Variants in GALNT13 observed in about 807,000 individuals in gnomAD.
GALNT13 encodes UDP-GalNAc:polypeptide N-acetylgalactosaminyltransferase 13.
A neutral mutation model predicts 64.2 loss-of-function variants in GALNT13; 28 were observed. That is an observed-to-expected ratio of 0.44 (90% CI 0.32 to 0.60). The LOEUF (loss-of-function observed/expected upper bound fraction) is 0.60, where lower values mean the gene tolerates loss of function less well. Among genes scored for constraint, GALNT13 ranks in the 20% least tolerant of loss-of-function variants. The pLI, the probability that GALNT13 is intolerant of heterozygous loss-of-function variation, is 0.05. For synonymous variants in GALNT13, 214 were observed against 224.6 expected, an observed-to-expected ratio of 0.95 and a Z score of 0.42; for missense variants, 577 against 669.8, an observed-to-expected ratio of 0.86 and a Z score of 1.53.
chr2:154,404,085 T>G (rs979777549), intron 10 of GALNT13, among the ~76,000 whole-genome samples: 1 of 152,212 alleles, frequency 6.6e-6, no homozygotes, highest in Non-Finnish European at 1.5e-5. Context: ...TCCTGTCTAT[T>G]GCTATTCTCC....
chr2:154,018,016 T>G (rs568085320), intron 3 of GALNT13, among the ~76,000 whole-genome samples: 1 of 152,216 alleles, frequency 6.6e-6, no homozygotes, highest in Non-Finnish European at 1.5e-5. Flanking sequence ...TGCTTTATAA[T>G]TGATTTGCCT....
chr2:154,335,375 C>T (rs144445184), intron 9 of GALNT13, among the ~76,000 whole-genome samples: 58 of 152,090 alleles, frequency 3.8e-4, no homozygotes, highest in African/African-American at 1.4e-3. Flanking sequence ...ATCCAAGTAT[C>T]TAAAATAATG....
chr2:154,152,337 G>T (rs1377604958), intron 4 of GALNT13, among the ~76,000 whole-genome samples: 3 of 152,004 alleles, frequency 2.0e-5, no homozygotes, highest in Admixed American at 1.3e-4. Context: ...TGGGTAACCC[G>T]ACCTTTCTCT....
the GALNT13 span, among the ~76,000 whole-genome samples, chr2:153,336,887 A>G: frequency 2.0e-5 from 3 of 152,172 alleles, no homozygotes; most frequent in African/African-American, 7.2e-5. Context: ...AGGCAATTGA[A>G]TAAGGCCAGA....
the GALNT13 span, among the ~76,000 whole-genome samples, chr2:153,337,388 T>C: frequency 6.6e-6 from 1 of 152,182 alleles, no homozygotes; most frequent in Non-Finnish European, 1.5e-5. Context: ...CTTTCACTAA[T>C]GATCATAATA....
At chr2:153,853,766 AAATAT>A in the GALNT13 span, among the ~76,000 whole-genome samples, 9 of 150,432 alleles carry the variant, frequency 6.0e-5, no homozygotes, top group East Asian at 3.9e-4. Flanking sequence ...ACAATTATAT[AAATAT>A]AATATACACT....
chr2:154,120,213 T>C (rs1681861259), intron 3 of GALNT13, among the ~76,000 whole-genome samples: 1 of 152,190 alleles, frequency 6.6e-6, no homozygotes, highest in Non-Finnish European at 1.5e-5. Flanking sequence ...ACTTTAGCTG[T>C]GATGTCAGGT....
At chr2:153,740,675 G>A in the GALNT13 span, among the ~76,000 whole-genome samples, 1 of 152,036 alleles carries the variant, frequency 6.6e-6, no homozygotes, top group African/African-American at 2.4e-5. Flanking sequence ...GTCTGGTAAT[G>A]TTCCTTCGGA....
chr2:154,358,987 C>T (rs536859642), intron 9 of GALNT13, among the ~76,000 whole-genome samples: 3 of 152,214 alleles, frequency 2.0e-5, no homozygotes, highest in African/African-American at 7.2e-5. Context: ...GCAATTTCAT[C>T]GTAGCCCATC....
the GALNT13 span, among the ~76,000 whole-genome samples, chr2:153,415,698 AG>A: frequency 1.3e-5 from 2 of 152,128 alleles, no homozygotes; most frequent in Non-Finnish European, 2.9e-5. Context: ...GTAAGATCTC[AG>A]TTTTGCTAAA....
chr2:154,264,466 C>CAAAAAA (rs3078698), intron 8 of GALNT13, among the ~76,000 whole-genome samples: 2 of 123,478 alleles, frequency 1.6e-5, no homozygotes, highest in Non-Finnish European at 1.7e-5. Flanking sequence ...ACTAAAAATA[C>CAAAAAA]AAAAAAAAAA....
At chr2:153,849,184 C>T in the GALNT13 span, among the ~76,000 whole-genome samples, 1 of 152,016 alleles carries the variant, frequency 6.6e-6, no homozygotes, top group East Asian at 1.9e-4. Flanking sequence ...GTAAAAACCA[C>T]ATTATCATTT....
chr2:153,630,809 T>TTATTTA, the GALNT13 span, among the ~76,000 whole-genome samples: 21 of 14,074 alleles, frequency 1.5e-3, no homozygotes, highest in Non-Finnish European at 2.0e-3. Flanking sequence ...ATATATATAT[T>TTATTTA]TTTTTTTTTT....
intron 9 of GALNT13, among the ~76,000 whole-genome samples, chr2:154,332,342 AG>A (rs764612474): frequency 6.6e-6 from 1 of 151,948 alleles, no homozygotes; most frequent in Non-Finnish European, 1.5e-5. Flanking sequence ...AGAGTTCCCT[AG>A]TTTTGATAAA....
chr2:153,346,885 A>G, the GALNT13 span, among the ~76,000 whole-genome samples: 1 of 152,202 alleles, frequency 6.6e-6, no homozygotes, highest in African/African-American at 2.4e-5. Context: ...AGATGAGGGA[A>G]CTGAGGCTTA....
At chr2:154,125,957 T>C (rs931764176) in intron 3 of GALNT13, among the ~76,000 whole-genome samples, 3 of 152,170 alleles carry the variant, frequency 2.0e-5, no homozygotes, top group African/African-American at 2.4e-5. Flanking sequence ...CCTTCTGTAA[T>C]ACCTCAGCCT....
intron 2 of GALNT13, among the ~76,000 whole-genome samples, chr2:153,915,028 GCTC>G (rs1325466700): frequency 6.6e-6 from 1 of 152,118 alleles, no homozygotes; most frequent in African/African-American, 2.4e-5. Context: ...TGGGGCCCAA[GCTC>G]CTCCTGGAGT....
the GALNT13 span, among the ~76,000 whole-genome samples, chr2:153,579,252 G>T: frequency 6.6e-6 from 1 of 152,088 alleles, no homozygotes; most frequent in African/African-American, 2.4e-5. Context: ...GGAGTCTTCT[G>T]GCTTAGAAAC....
the GALNT13 span, among the ~76,000 whole-genome samples, chr2:153,582,578 T>G: frequency 2.0e-5 from 3 of 152,166 alleles, no homozygotes; most frequent in Non-Finnish European, 2.9e-5. Context: ...GAACTAAAAT[T>G]CTATTAAAAT....
Sources: allele counts gnomAD v4.1 joint callset (sites outside exome capture counted in the v4.1 genomes callset), GRCh38; gene constraint gnomAD v4.1.1; transcripts MANE v1.5; gene names NCBI Gene and HGNC (gene_info 2026-07-23, HGNC 2026-07-21).